Variants in CLEC12B observed in about 807,000 individuals in gnomAD.
The protein encoded by CLEC12B is macrophage antigen h.
In CLEC12B, 25 loss-of-function variants were observed where a neutral mutation model predicts 36.1. The ratio of observed to expected loss-of-function variants is 0.69; its 90% CI spans 0.50 to 0.97. The LOEUF is 0.97. Ranked by LOEUF, CLEC12B falls within the 50% of genes least tolerant of loss-of-function variation. The pLI, the probability that CLEC12B is intolerant of heterozygous loss-of-function variation, is 0.00. For synonymous variants in CLEC12B, 110 were observed against 108.5 expected, an observed-to-expected ratio of 1.01 and a Z score of -0.09; for missense variants, 325 against 318.4, an observed-to-expected ratio of 1.02 and a Z score of -0.16.
chr12:10,017,872 C>G lies in CLEC12B; in HGVS notation c.681-459C>G, dbSNP rs1009533072. ...CCTCTTTTAACGTCTGTCTTGTTCT[C>G]TTTTTACCCACCACATATGTATAAC... On this transcript the variant is annotated intron_variant, in intron 5 of 5. Coordinates refer to ENST00000338896, the MANE Select transcript of CLEC12B (RefSeq NM_001129998.3). 1.2e-5 allele frequency: 12 copies of G among 974,886 alleles called. No individual in the cohort carries two copies. In the South Asian group the frequency reaches 5.7e-4, roughly 46 times the overall value. The allele number at this position is 974,886 out of a possible 1,614,324, so 60.4% of individuals were successfully genotyped here. A position where few individuals can be genotyped will look rare whatever the true frequency, so the allele number is the denominator to read the frequency against.
At chr12:10,017,344 A>C (rs1483247959) in intron 5 of CLEC12B, 19 of 985,316 alleles carry the variant, frequency 1.9e-5, no homozygotes, top group Non-Finnish European at 2.3e-5. Context: ...AGGTGTTGCT[A>C]CTAGACTGAG....
chr12:10,017,277 C>G (rs906257764), intron 5 of CLEC12B: 1 of 985,274 alleles, frequency 1.0e-6, no homozygotes, highest in Non-Finnish European at 1.2e-6. Flanking sequence ...AAAAAAGTGA[C>G]AGTTACTTTT....
At chr12:10,010,190 TGTCTCTCTCTCACACA>T (rs1470921536), upstream of CLEC12B, among the ~76,000 whole-genome samples, 1 of 63,300 alleles carries the variant, frequency 1.6e-5, no homozygotes, top group South Asian at 4.6e-4. Context: ...TGTCTCTCTC[TGTCTCTCTCTCACACA>T]CACACACACA....
chr12:10,013,318 C>A, intron 2 of CLEC12B: 1 of 184,528 alleles, frequency 5.4e-6, no homozygotes, highest in Non-Finnish European at 1.1e-5. Context: ...GGAGAGAAAT[C>A]TTCCAAGTAG....
chr12:10,017,970 G>A (rs1258930619), intron 5 of CLEC12B: 1 of 951,752 alleles, frequency 1.1e-6, no homozygotes, highest in East Asian at 1.1e-4. Flanking sequence ...TTATTTTTAT[G>A]TTTTTCTTCA....
intron 2 of CLEC12B, chr12:10,013,177 T>A (rs1865379225): frequency 5.3e-6 from 2 of 376,092 alleles, no homozygotes; most frequent in African/African-American, 2.1e-5. Flanking sequence ...TAGACACACA[T>A]TCACTTATCA....
upstream of CLEC12B, among the ~76,000 whole-genome samples, chr12:10,009,359 A>G (rs1451266538): frequency 6.6e-6 from 1 of 152,172 alleles, no homozygotes; most frequent in African/African-American, 2.4e-5. Context: ...GAACAGAGAT[A>G]GAAAACCATT....
intron 1 of CLEC12B, among the ~76,000 whole-genome samples, chr12:10,012,547 C>T (rs1425839034): frequency 6.6e-6 from 1 of 150,962 alleles, no homozygotes. Context: ...GGTATGCCTC[C>T]CCCCTCCCCC....
chr12:10,015,518 A>C, intron 4 of CLEC12B, 94 bp from the exon 5 acceptor site: 2 of 1,570,476 alleles, frequency 1.3e-6, no homozygotes, highest in Non-Finnish European at 1.7e-6. Flanking sequence ...AATTAGAATT[A>C]ATACATGAAT....
intron 4 of CLEC12B, 65 bp from the exon 5 acceptor site, chr12:10,015,547 T>G: frequency 1.3e-6 from 2 of 1,599,200 alleles, no homozygotes; most frequent in African/African-American, 1.3e-5. Context: ...TGTCCTCATC[T>G]ATCTTAACTC....
chr12:10,015,500 G>A, intron 4 of CLEC12B, 94 bp downstream of exon 4: 1 of 1,552,522 alleles, frequency 6.4e-7, no homozygotes, highest in Non-Finnish European at 8.8e-7. Flanking sequence ...GAAATTCAGT[G>A]CATCTTGAAT....
At chr12:10,017,358 T>C in intron 5 of CLEC12B, 1 of 985,428 alleles carries the variant, frequency 1.0e-6, no homozygotes, top group African/African-American at 1.7e-5. Flanking sequence ...GACTGAGGGT[T>C]TCCAGGAGTA....
chr12:10,016,580 T>C (rs1263414922), intron 5 of CLEC12B: 4 of 270,454 alleles, frequency 1.5e-5, no homozygotes, highest in Non-Finnish European at 1.7e-5. Context: ...TTAAATATAA[T>C]AGTATTTTTC....
At chr12:10,008,386 T>C (rs1397156020), upstream of CLEC12B, among the ~76,000 whole-genome samples, 1 of 152,194 alleles carries the variant, frequency 6.6e-6, no homozygotes, top group Admixed American at 6.5e-5. Context: ...GGTAAGGTTA[T>C]TGGAGGCAAA....
In CLEC12B at chr12:10,018,628, A is replaced by G. The variant is rs1644080436; in HGVS notation, c.*147A>G. On this transcript the variant is annotated 3_prime_UTR_variant, in exon 6 of 6. Transcript: ENST00000338896. ...GACAAATGAACTTGTTTAACAGAAC[A>G]TTCTCCAGTTCCTTGTCTGACGTCT... is the stretch of plus-strand genomic sequence containing the variant. 4.5e-6 allele frequency: 3 copies of G among 669,168 alleles called. No individual in the cohort carries two copies. The African/African-American group carries it at 5.6e-5, about 12-fold the overall frequency. 41.5% of individuals were successfully genotyped at this position (669,168 alleles called of 1,614,324 possible). A position where few individuals can be genotyped will look rare whatever the true frequency, so the allele number is the denominator to read the frequency against.
intron 1 of CLEC12B, 127 bp from the exon 2 acceptor site, chr12:10,012,658 G>A (rs757293354): frequency 4.3e-5 from 28 of 656,978 alleles, no homozygotes; most frequent in Middle Eastern, 4.2e-4. Context: ...TTCTAAATGA[G>A]GGCATTAAAG....
At chr12:10,017,562 G>T (rs1054611) in intron 5 of CLEC12B, 419,354 of 985,062 alleles carry the variant, frequency 0.43, 91,079 homozygotes, top group East Asian at 0.8. Context: ...AGACAAGCCA[G>T]CATGTCAAAC....
At chr12:10,016,029 T>A in intron 5 of CLEC12B, 1 of 1,000,130 alleles carries the variant, frequency 1.0e-6, no homozygotes, top group Non-Finnish European at 1.2e-6. Context: ...TATATTCCCA[T>A]TTTATAGGTA....
In CLEC12B at chr12:10,014,605, C is replaced by G. The variant is rs1475989217; in HGVS notation, c.273C>G (p.Asn91Lys). The change falls in exon 3 of 6, where the codon AAC (asparagine) becomes AAG (lysine). Residue 91 changes from asparagine (N) to lysine (K), a missense_variant. Physicochemically the swap from Asn to Lys is moderately conservative, Grantham distance 94. Coordinates refer to ENST00000338896, the MANE Select transcript of CLEC12B (RefSeq NM_001129998.3). Reference protein sequence around the residue: ...LQKTIQQQQDNLSQQLGNSNN... With the variant: ...LQKTIQQQQDKLSQQLGNSNN... ...AAACCATCCAACAGCAGCAGGATAA[C>G]TTATCCCAGCAACTGGGCAACTCCA... is the stretch of plus-strand genomic sequence containing the variant. 1.9e-6 allele frequency: 3 copies of G among 1,613,788 alleles called. No homozygotes were observed. Among genetic ancestry groups the G allele is most frequent in the Non-Finnish European group, 2.5e-6 (3 of 1,179,746 alleles).
Sources: allele counts gnomAD v4.1 joint callset (sites outside exome capture counted in the v4.1 genomes callset), GRCh38; gene constraint gnomAD v4.1.1; transcripts MANE v1.5; gene names NCBI Gene and HGNC (gene_info 2026-07-23, HGNC 2026-07-21).